Variants in SLC24A3 observed in about 807,000 individuals in gnomAD.
SLC24A3 encodes the protein solute carrier family 24 member 3, also known as sodium/potassium/calcium exchanger 3.
In SLC24A3, 28 loss-of-function variants were observed where a neutral mutation model predicts 75.8. That is an observed-to-expected ratio of 0.37 (90% confidence interval 0.27 to 0.51). SLC24A3 has a LOEUF of 0.51. Ranked by LOEUF, SLC24A3 falls within the 20% of genes least tolerant of loss-of-function variation. The pLI is 0.94. For synonymous variants in SLC24A3, 372 were observed against 334.1 expected, an observed-to-expected ratio of 1.11 and a Z score of -1.24; for missense variants, 663 against 847.8, an observed-to-expected ratio of 0.78 and a Z score of 2.71.
chr20:19,543,955 G>C (rs1331292866), intron 3 of SLC24A3, among the ~76,000 whole-genome samples: 1 of 152,154 alleles, frequency 6.6e-6, no homozygotes, highest in Non-Finnish European at 1.5e-5. Flanking sequence ...ATTTATTCCT[G>C]TGATTTTGCC....
rs150906056 is a variant in SLC24A3, at chr20:19,679,942, G to T, written c.768-1916G>T. Among the ~76,000 whole-genome samples, 200 of 151,548 alleles carry T rather than the reference G, an allele frequency of 1.3e-3. 2 individuals are homozygous for T. Among genetic ancestry groups the T allele is most frequent in the African/African-American group, 4.6e-3 (189 of 41,246 alleles). ...TGTTTGCTCTGCAGAGTTGCCCACG[G>T]TTGGAAAGCGTTGATTATATCCCAT... On this transcript the variant is annotated intron_variant, in intron 9 of 16. Coordinates refer to ENST00000328041, the MANE Select transcript of SLC24A3 (RefSeq NM_020689.4).
At chr20:19,363,348 A>G (rs530709992) in intron 2 of SLC24A3, among the ~76,000 whole-genome samples, 2 of 152,372 alleles carry the variant, frequency 1.3e-5, no homozygotes, top group South Asian at 4.1e-4. Context: ...CCAGGACATC[A>G]AATCTGCCTC....
chr20:19,338,694 T>C (rs142710315), intron 2 of SLC24A3, among the ~76,000 whole-genome samples: 26 of 152,328 alleles, frequency 1.7e-4, no homozygotes, highest in Middle Eastern at 3.4e-3. Context: ...AGATGTGACC[T>C]TGGGCAAGAT....
chr20:19,213,015 G>T (rs1981448558), intron 1 of SLC24A3, 31 bp downstream of exon 1: 1 of 1,232,566 alleles, frequency 8.1e-7, no homozygotes. Flanking sequence ...CCGAGTGGGC[G>T]CTGCGGCTCC....
chr20:19,583,135 G>T (rs1305711479), intron 4 of SLC24A3, among the ~76,000 whole-genome samples: 1 of 152,148 alleles, frequency 6.6e-6, no homozygotes. Context: ...GCAGCTCCAG[G>T]GTAATATCCA....
At chr20:19,542,056 G>C (rs368942129) in intron 3 of SLC24A3, among the ~76,000 whole-genome samples, 3 of 152,144 alleles carry the variant, frequency 2.0e-5, no homozygotes, top group Non-Finnish European at 2.9e-5. Flanking sequence ...TCAAATGAAG[G>C]GGGGACCTGC....
rs185522895 is a variant in SLC24A3, at chr20:19,481,736, C to A, written c.272-33752C>A. 4.2e-4 allele frequency among the ~76,000 whole-genome samples: 64 copies of A among 152,198 alleles called. 1 individual carries two copies. In the East Asian group the frequency reaches 0.011, roughly 26 times the overall value. On this transcript the variant is annotated intron_variant, in intron 2 of 16. Coordinates refer to ENST00000328041, the MANE Select transcript of SLC24A3 (RefSeq NM_020689.4). ...AAAGCCAGATCAGCATTTCATTCCACCTACAGAGAGCCCGGGGAGTGCTCC... is the reference window on the plus strand; with the variant it reads ...AAAGCCAGATCAGCATTTCATTCCAACTACAGAGAGCCCGGGGAGTGCTCC...
At chr20:19,599,008 G>A (rs1028877439) in intron 6 of SLC24A3, among the ~76,000 whole-genome samples, 32 of 151,884 alleles carry the variant, frequency 2.1e-4, no homozygotes, top group African/African-American at 7.7e-4. Context: ...ATCTTTACTG[G>A]GAACTCAGTT....
At chr20:19,638,886 C>T (rs1193308943) in intron 6 of SLC24A3, among the ~76,000 whole-genome samples, 10 of 152,130 alleles carry the variant, frequency 6.6e-5, no homozygotes, top group African/African-American at 2.4e-4. Flanking sequence ...AGGAGTGAAG[C>T]TGCAGACCTT....
intron 9 of SLC24A3, among the ~76,000 whole-genome samples, chr20:19,675,251 A>G (rs924362815): frequency 1.3e-5 from 2 of 152,132 alleles, no homozygotes; most frequent in African/African-American, 4.8e-5. Context: ...AAATTAGCCC[A>G]TGTTTCCCCA....
chr20:19,233,244 C>T (rs903126245), intron 1 of SLC24A3, among the ~76,000 whole-genome samples: 2 of 152,226 alleles, frequency 1.3e-5, no homozygotes, highest in Admixed American at 1.3e-4. Context: ...AAGCCAGCAG[C>T]GTTAACGGAA....
intron 2 of SLC24A3, among the ~76,000 whole-genome samples, chr20:19,288,097 C>T (rs1339880117): frequency 1.3e-5 from 2 of 152,162 alleles, no homozygotes; most frequent in Non-Finnish European, 2.9e-5. Flanking sequence ...TCTGCAGGCA[C>T]ATTAGAACTT....
intron 1 of SLC24A3, among the ~76,000 whole-genome samples, chr20:19,264,964 T>C (rs1226961774): frequency 6.6e-6 from 1 of 152,228 alleles, no homozygotes; most frequent in Non-Finnish European, 1.5e-5. Context: ...TTATCTGTCT[T>C]GCTTTCCACT....
intron 6 of SLC24A3, among the ~76,000 whole-genome samples, chr20:19,599,150 CCA>C (rs1438052687): frequency 6.6e-6 from 1 of 152,060 alleles, no homozygotes; most frequent in African/African-American, 2.4e-5. Flanking sequence ...ATACCCCAGG[CCA>C]CACATCCAGG....
chr20:19,310,914 C>A (rs1365513460), intron 2 of SLC24A3, among the ~76,000 whole-genome samples: 2 of 152,154 alleles, frequency 1.3e-5, no homozygotes, highest in Non-Finnish European at 2.9e-5. Flanking sequence ...AGCTTATAAT[C>A]ATGTTTATTT....
chr20:19,703,764 AAATAGTAACAG>A (rs1234718927), intron 15 of SLC24A3, among the ~76,000 whole-genome samples: 1 of 152,234 alleles, frequency 6.6e-6, no homozygotes, highest in Non-Finnish European at 1.5e-5. Flanking sequence ...TGTTAGATCA[AAATAGTAACAG>A]TATTTGGCCC....
At chr20:19,256,693 C>T (rs1473582596) in intron 1 of SLC24A3, among the ~76,000 whole-genome samples, 1 of 149,344 alleles carries the variant, frequency 6.7e-6, no homozygotes, top group East Asian at 2.0e-4. Context: ...CACTTGAACC[C>T]AGGAAGTAGA....
intron 2 of SLC24A3, among the ~76,000 whole-genome samples, chr20:19,332,051 TG>T (rs1238158329): frequency 6.6e-6 from 1 of 152,056 alleles, no homozygotes; most frequent in African/African-American, 2.4e-5. Context: ...ACATTGCAGC[TG>T]GGGATTAGGG....
intron 2 of SLC24A3, among the ~76,000 whole-genome samples, chr20:19,510,331 C>T (rs1456778944): frequency 6.6e-6 from 1 of 152,192 alleles, no homozygotes; most frequent in Non-Finnish European, 1.5e-5. Context: ...ACAGTTTATC[C>T]TGATGTTATG....
Sources: gnomAD v4.1 joint callset for allele counts (sites outside exome capture counted in the v4.1 genomes callset) on GRCh38, gnomAD v4.1.1 for gene constraint, MANE v1.5 for transcripts, NCBI Gene and HGNC (gene_info 2026-07-23, HGNC 2026-07-21) for gene names.